The following SPEF2 variants were observed in gnomAD, a reference collection of about 807,000 sequenced individuals.
SPEF2 encodes sperm flagella and cilia-associated protein 2.
A neutral mutation model predicts 224.6 loss-of-function variants in SPEF2; 187 were observed. That is an observed-to-expected ratio of 0.83 (90% CI 0.74 to 0.94). SPEF2 has a LOEUF of 0.94. Among genes scored for constraint, SPEF2 ranks in the 40% least tolerant of loss-of-function variants. The pLI is 0.00. For synonymous variants in SPEF2, 715 were observed against 707.3 expected (o/e 1.01, Z -0.17); for missense variants, 2,170 against 2,135.6 (o/e 1.02, Z -0.32).
intron 14 of SPEF2, among the ~76,000 whole-genome samples, chr5:35,697,085 C>T (rs1032564076): frequency 6.6e-6 from 1 of 152,078 alleles, no homozygotes; most frequent in African/African-American, 2.4e-5. Context: ...TGGAATAGAG[C>T]CATACCATTT....
intron 23 of SPEF2, among the ~76,000 whole-genome samples, chr5:35,747,980 A>G (rs570530729): frequency 2.6e-5 from 4 of 152,322 alleles, no homozygotes; most frequent in African/African-American, 7.2e-5. Flanking sequence ...AATTATATCA[A>G]GCACTCTCTT....
Position 35,667,275 on chromosome 5 carries a change from G to C in SPEF2, c.1355+16G>C, listed in dbSNP as rs1425609973. On this transcript the variant is annotated intron_variant, in intron 9 of 36. Coordinates refer to ENST00000356031, the MANE Select transcript of SPEF2 (RefSeq NM_024867.4). ...TGACAAATAAGTAAGTATTTTTTTT[G>C]TAATAACAGTAGAGACACGATAGAG... 1 of 1,577,908 alleles carries C rather than the reference G, an allele frequency of 6.3e-7. No individual in the cohort carries two copies. The highest frequency in any genetic ancestry group is 2.3e-5 in the East Asian group (1 of 44,230).
intron 16 of SPEF2, chr5:35,702,370 G>A: frequency 2.2e-6 from 1 of 454,290 alleles, no homozygotes; most frequent in South Asian, 1.6e-5. Context: ...GGGATGTAAG[G>A]AGGGGGAATG....
Position 35,759,650 on chromosome 5 carries a change from A to G in SPEF2, c.3551A>G (p.Asp1184Gly), listed in dbSNP as rs761597362. 5 of 1,611,966 alleles carry G rather than the reference A, an allele frequency of 3.1e-6. No homozygotes were observed. Among genetic ancestry groups the G allele is most frequent in the Admixed American group, 3.3e-5 (2 of 59,972 alleles). Reference sequence around the variant, plus strand: ...ATGGAAAGTAAAATCCCAGTAGAGGACAACAAGAGATTTACTCGAATCCCT... The same window carrying G: ...ATGGAAAGTAAAATCCCAGTAGAGGGCAACAAGAGATTTACTCGAATCCCT... ...WGMESKIPVE[D>G]NKRFTRIPLV... The change falls in exon 25 of 37, where the codon GAC becomes GGC. Residue 1184 changes from aspartate (D) to glycine (G), a missense_variant. Transcript: ENST00000356031.
Position 35,621,246 on chromosome 5 carries a change from A to G in SPEF2, c.58+3191A>G, listed in dbSNP as rs147160559. On this transcript the variant is annotated intron_variant, in intron 1 of 36. Coordinates refer to ENST00000356031, the MANE Select transcript of SPEF2 (RefSeq NM_024867.4). ...TCAAATGAAGTCTACAAATGAAAGAATAATAAATAATTAAAGTTATCACTT... is the reference window on the plus strand; with the variant it reads ...TCAAATGAAGTCTACAAATGAAAGAGTAATAAATAATTAAAGTTATCACTT... 2.4e-3 allele frequency among the ~76,000 whole-genome samples: 370 copies of G among 152,342 alleles called. 3 individuals carry two copies. The highest frequency in any genetic ancestry group is 8.3e-3 in the African/African-American group (347 of 41,580).
chr5:35,640,628 A>T (rs1746500412), intron 2 of SPEF2, among the ~76,000 whole-genome samples: 1 of 152,176 alleles, frequency 6.6e-6, no homozygotes, highest in Non-Finnish European at 1.5e-5. Flanking sequence ...TGTAGCATGC[A>T]TTATCTCTTC....
intron 10 of SPEF2, among the ~76,000 whole-genome samples, chr5:35,690,295 T>C (rs10941256): frequency 0.23 from 34,890 of 152,056 alleles, 5,847 homozygotes; most frequent in African/African-American, 0.46. Flanking sequence ...ACTGATTTAT[T>C]GAACATTGCA....
chr5:35,625,830 G>A (rs952044717), intron 1 of SPEF2, among the ~76,000 whole-genome samples: 2 of 152,162 alleles, frequency 1.3e-5, no homozygotes, highest in Non-Finnish European at 2.9e-5. Context: ...GAAGGAGAAA[G>A]CTGCAGTGAC....
chr5:35,735,749 T>C (rs1746479139), intron 21 of SPEF2, among the ~76,000 whole-genome samples: 1 of 152,240 alleles, frequency 6.6e-6, no homozygotes, highest in Admixed American at 6.5e-5. Flanking sequence ...TTCTTGGTTT[T>C]GATTGTTTAT....
At chr5:35,787,864 A>G in intron 30 of SPEF2, 1 of 559,416 alleles carries the variant, frequency 1.8e-6, no homozygotes, top group Non-Finnish European at 3.2e-6. Flanking sequence ...GTTATTTTAA[A>G]GGCAGGAATC....
chr5:35,783,582 A>C (rs552964877), intron 30 of SPEF2, among the ~76,000 whole-genome samples: 2 of 152,188 alleles, frequency 1.3e-5, no homozygotes, highest in Non-Finnish European at 2.9e-5. Context: ...CTATTATCCA[A>C]AATGTTAGCT....
intron 16 of SPEF2, 36 bp downstream of exon 16, chr5:35,700,788 A>G (rs1738468745): frequency 1.2e-6 from 2 of 1,602,760 alleles, no homozygotes; most frequent in Non-Finnish European, 1.7e-6. Flanking sequence ...TCTTTTTACA[A>G]TGAAAACTCT....
intron 34 of SPEF2, among the ~76,000 whole-genome samples, chr5:35,804,436 CCTGTA>C (rs1456075967): frequency 6.6e-6 from 1 of 152,190 alleles, no homozygotes; most frequent in East Asian, 1.9e-4. Flanking sequence ...TGGTTTTGTT[CCTGTA>C]CCCACATTCA....
intron 21 of SPEF2, among the ~76,000 whole-genome samples, chr5:35,729,835 G>A (rs1745332741): frequency 6.6e-6 from 1 of 152,070 alleles, no homozygotes; most frequent in Non-Finnish European, 1.5e-5. Flanking sequence ...GGCTTAACAG[G>A]GGTTTCCGCT....
intron 1 of SPEF2, among the ~76,000 whole-genome samples, chr5:35,626,142 A>G (rs1399558953): frequency 1.3e-5 from 2 of 152,224 alleles, no homozygotes; most frequent in African/African-American, 2.4e-5. Context: ...CAGGTATGCC[A>G]TGAATTTCAA....
chr5:35,810,443 C>A (rs539421009), intron 36 of SPEF2, among the ~76,000 whole-genome samples: 1 of 152,070 alleles, frequency 6.6e-6, no homozygotes. Flanking sequence ...GAACTCCTGA[C>A]CTCAGGCGAT....
intron 29 of SPEF2, among the ~76,000 whole-genome samples, chr5:35,776,992 C>T (rs915624555): frequency 5.4e-4 from 82 of 152,196 alleles, no homozygotes; most frequent in African/African-American, 1.9e-3. Context: ...ACCAGGAGCC[C>T]CATCTTGTCC....
intron 10 of SPEF2, among the ~76,000 whole-genome samples, chr5:35,680,813 A>C (rs1341607005): frequency 1.3e-5 from 2 of 152,200 alleles, no homozygotes; most frequent in Admixed American, 1.3e-4. Flanking sequence ...TATTTTCTCC[A>C]TGGCTTCATT....
chr5:35,811,334 A>G (rs1395520441), intron 36 of SPEF2, among the ~76,000 whole-genome samples: 1 of 152,222 alleles, frequency 6.6e-6, no homozygotes, highest in African/African-American at 2.4e-5. Flanking sequence ...GTTGTTTGCT[A>G]TTATAAACAG....
Sources: allele counts gnomAD v4.1 joint callset (sites outside exome capture counted in the v4.1 genomes callset), GRCh38; gene constraint gnomAD v4.1.1; transcripts MANE v1.5; gene names NCBI Gene and HGNC (gene_info 2026-07-23, HGNC 2026-07-21).